Variants in RHOBTB3 observed in about 807,000 individuals in gnomAD.
The protein encoded by RHOBTB3 is rho-related BTB domain-containing protein 3.
A neutral mutation model predicts 67.2 loss-of-function variants in RHOBTB3; 47 were observed. The observed-to-expected ratio is 0.70, with a 90% confidence interval of 0.55 to 0.89. The LOEUF is 0.89. Ranked by LOEUF, RHOBTB3 falls within the 40% of genes least tolerant of loss-of-function variation. The probability of loss-of-function intolerance (pLI) is 0.00; values close to 1 mark genes in which losing one functional copy is unlikely to be tolerated. For missense variants in RHOBTB3, 631 were observed against 750.0 expected, an observed-to-expected ratio of 0.84 and a Z score of 1.85; for synonymous variants, 273 against 274.2, an observed-to-expected ratio of 1.00 and a Z score of 0.04.
In RHOBTB3 at chr5:95,737,032, T is replaced by G; in HGVS notation, c.372T>G (p.Asn124Lys). Reference protein sequence around the residue: ...NYIPVIKRALNSVPVIIAAVG... With the variant: ...NYIPVIKRALKSVPVIIAAVG... ...TTCCAGTGATAAAAAGAGCATTAAA[T>G]TCAGTTCCAGTAATTATTGCTGCTG... Residue 124 changes from asparagine to lysine, a missense_variant, in exon 3 of 12, where the codon AAT (asparagine) becomes AAG (lysine). Transcript: ENST00000379982. 1 of 1,605,034 alleles carries G rather than the reference T, an allele frequency of 6.2e-7. No homozygotes were observed. Among genetic ancestry groups the G allele is most frequent in the Non-Finnish European group, 8.5e-7 (1 of 1,172,520 alleles).
At chr5:95,721,030 C>T (rs1754855131) in intron 1 of RHOBTB3, among the ~76,000 whole-genome samples, 1 of 152,204 alleles carries the variant, frequency 6.6e-6, no homozygotes. Context: ...AAACATGACA[C>T]ATCCCTTAAT....
intron 9 of RHOBTB3, chr5:95,782,809 C>CAAAAAAAAAA (rs5869692): frequency 1.0e-5 from 1 of 99,112 alleles, no homozygotes; most frequent in Admixed American, 1.2e-4. Flanking sequence ...GACTCCATCT[C>CAAAAAAAAAA]AAAAAAAAAA....
chr5:95,726,518 G>C (rs536105450), upstream of RHOBTB3, among the ~76,000 whole-genome samples: 27 of 152,296 alleles, frequency 1.8e-4, no homozygotes, highest in African/African-American at 6.0e-4. Flanking sequence ...TATGCACTTA[G>C]GGTGAAATCA....
intron 5 of RHOBTB3, 134 bp downstream of exon 5, chr5:95,752,484 G>C (rs955144923): frequency 4.4e-6 from 3 of 685,178 alleles, no homozygotes; most frequent in African/African-American, 1.8e-5. Context: ...GTCAACCTGG[G>C]ATAAGGCCTA....
intron 1 of RHOBTB3, among the ~76,000 whole-genome samples, chr5:95,718,593 T>C (rs930400273): frequency 1.3e-5 from 2 of 152,196 alleles, no homozygotes; most frequent in South Asian, 2.1e-4. Flanking sequence ...CAATACCAAA[T>C]GCTCAATTGA....
intron 3 of RHOBTB3, among the ~76,000 whole-genome samples, chr5:95,747,172 G>C (rs1466792778): frequency 6.6e-6 from 1 of 152,082 alleles, no homozygotes; most frequent in Non-Finnish European, 1.5e-5. Context: ...TTGTCTGATT[G>C]CTGGTCGATT....
At chr5:95,776,131 G>A (rs1745871494) in intron 8 of RHOBTB3, among the ~76,000 whole-genome samples, 1 of 152,132 alleles carries the variant, frequency 6.6e-6, no homozygotes, top group South Asian at 2.1e-4. Context: ...TTTTGGCTGG[G>A]CATGGTGACT....
chr5:95,794,425 A>C lies in RHOBTB3; in HGVS notation c.*1251A>C, dbSNP rs969629573. The C allele has an allele frequency of 1.8e-5, 3 of 170,986 alleles. No homozygotes were observed. The highest frequency in any genetic ancestry group is 7.2e-5 in the African/African-American group (3 of 41,912). 10.6% of individuals were successfully genotyped at this position (170,986 alleles called of 1,614,324 possible). The stretch of plus-strand genomic sequence containing the variant: ...AATTCTTTTCAAGGACTGCAAGATT[A>C]TTTGATAAAGAGTAGCATGAATCTT... On this transcript the variant is annotated 3_prime_UTR_variant, in exon 12 of 12. Coordinates refer to ENST00000379982, the MANE Select transcript of RHOBTB3 (RefSeq NM_014899.4).
chr5:95,744,006 G>A (rs1755678153), intron 3 of RHOBTB3, among the ~76,000 whole-genome samples: 1 of 146,358 alleles, frequency 6.8e-6, no homozygotes, highest in African/African-American at 2.5e-5. Context: ...AATGCACCTG[G>A]CCCCTCTCCC....
upstream of RHOBTB3, chr5:95,731,180 A>C (rs935480231): frequency 1.9e-5 from 19 of 1,007,372 alleles, no homozygotes; most frequent in Non-Finnish European, 2.1e-5. Flanking sequence ...AGCCGCCGCC[A>C]CCGGAGCTCC....
chr5:95,771,542 A>G (rs769838363), intron 8 of RHOBTB3, among the ~76,000 whole-genome samples: 3 of 152,218 alleles, frequency 2.0e-5, no homozygotes, highest in Non-Finnish European at 4.4e-5. Flanking sequence ...AAAGCTAACA[A>G]GAGGACACAG....
intron 8 of RHOBTB3, among the ~76,000 whole-genome samples, chr5:95,772,606 G>A (rs1484673818): frequency 1.3e-5 from 2 of 152,100 alleles, no homozygotes; most frequent in African/African-American, 2.4e-5. Flanking sequence ...CATTCTTTGT[G>A]TGTGTGCTTT....
chr5:95,768,758 T>A (rs1258895127), intron 8 of RHOBTB3, among the ~76,000 whole-genome samples: 1 of 152,226 alleles, frequency 6.6e-6, no homozygotes, highest in Non-Finnish European at 1.5e-5. Flanking sequence ...TAAGACTACC[T>A]AATTTTAATG....
At chr5:95,769,682 A>G in intron 8 of RHOBTB3, 1 of 170,608 alleles carries the variant, frequency 5.9e-6, no homozygotes, top group African/African-American at 2.4e-5. Context: ...TATCTTATTA[A>G]TGTATCGAAT....
chr5:95,778,659 TAA>T, intron 8 of RHOBTB3, among the ~76,000 whole-genome samples: 1 of 152,264 alleles, frequency 6.6e-6, no homozygotes. Context: ...CCAGTTTATT[TAA>T]GTCATGCTTC....
At chr5:95,738,923 C>T (rs1295882094) in intron 3 of RHOBTB3, among the ~76,000 whole-genome samples, 1 of 152,128 alleles carries the variant, frequency 6.6e-6, no homozygotes, top group African/African-American at 2.4e-5. Context: ...GTTCTTTTAA[C>T]TATCTGTCTC....
chr5:95,718,488 G>A lies in RHOBTB3; in HGVS notation n.133+723G>A, dbSNP rs956712418. On this transcript the variant is annotated intron_variant and non_coding_transcript_variant, in intron 1 of 5. Coordinates refer to the RHOBTB3 transcript ENST00000504949. Reference sequence around the variant, plus strand: ...GGGAAGTTCCCCAGCTGATGCCTCCGTTTTCTCTGACAGAAAACATGAGAC... The same window carrying A: ...GGGAAGTTCCCCAGCTGATGCCTCCATTTTCTCTGACAGAAAACATGAGAC... Among the ~76,000 whole-genome samples the A allele has an allele frequency of 2.2e-4, 34 of 152,164 alleles. 1 individual carries two copies. Among genetic ancestry groups the A allele is most frequent in the Non-Finnish European group, 2.9e-4 (20 of 68,020 alleles).
At chr5:95,766,788 G>A (rs962434320) in intron 7 of RHOBTB3, among the ~76,000 whole-genome samples, 4 of 152,254 alleles carry the variant, frequency 2.6e-5, no homozygotes, top group Non-Finnish European at 4.4e-5. Context: ...CCAGCCAGGC[G>A]CGACAGGACA....
chr5:95,741,523 G>GTTTTTTT (rs70978191), intron 3 of RHOBTB3, among the ~76,000 whole-genome samples: 1 of 84,852 alleles, frequency 1.2e-5, no homozygotes, highest in Non-Finnish European at 2.2e-5. Flanking sequence ...CTTTCTTTCT[G>GTTTTTTT]TTTTTTTTTT....
Sources: allele counts gnomAD v4.1 joint callset (sites outside exome capture counted in the v4.1 genomes callset), GRCh38; gene constraint gnomAD v4.1.1; transcripts MANE v1.5; gene names NCBI Gene and HGNC (gene_info 2026-07-23, HGNC 2026-07-21).